Variants in TENM3 observed in about 807,000 individuals in gnomAD.
TENM3 encodes teneurin-3.
Under a neutral mutation model 255.1 loss-of-function variants are expected in TENM3, and 63 were observed. The observed-to-expected ratio is 0.25, with a 90% CI of 0.20 to 0.30. TENM3 has a LOEUF of 0.30. Among genes scored for constraint, TENM3 ranks in the 10% least tolerant of loss-of-function variants. The probability of loss-of-function intolerance (pLI) is 1.00; values close to 1 mark genes in which losing one functional copy is unlikely to be tolerated. For synonymous variants in TENM3, 1,306 were observed against 1,322.3 expected, an observed-to-expected ratio of 0.99 and a Z score of 0.27; for missense variants, 2,929 against 3,461.1, an observed-to-expected ratio of 0.85 and a Z score of 3.86.
intron 3 of TENM3, among the ~76,000 whole-genome samples, chr4:182,548,388 A>G (rs1002998743): frequency 1.3e-5 from 2 of 152,176 alleles, no homozygotes; most frequent in Non-Finnish European, 1.5e-5. Flanking sequence ...GGTTTTAGGA[A>G]CTTGAAGAAC....
chr4:182,507,908 A>G (rs1184805253), intron 3 of TENM3, among the ~76,000 whole-genome samples: 3 of 152,182 alleles, frequency 2.0e-5, no homozygotes, highest in Non-Finnish European at 4.4e-5. Context: ...AGTGATGAAT[A>G]TATTAGTATC....
chr4:182,202,952 A>C (rs2149838117), intron 1 of TENM3, among the ~76,000 whole-genome samples: 1 of 152,148 alleles, frequency 6.6e-6, no homozygotes, highest in East Asian at 2.0e-4. Flanking sequence ...GCGGTGGCTC[A>C]AGCCTGTAAT....
the TENM3 span, among the ~76,000 whole-genome samples, chr4:181,667,128 C>T: frequency 2.4e-4 from 36 of 152,222 alleles, no homozygotes; most frequent in Middle Eastern, 6.8e-3. Context: ...TTGCTTCTTC[C>T]TAGATCCCAT....
At chr4:181,678,829 G>C in the TENM3 span, among the ~76,000 whole-genome samples, 1 of 93,390 alleles carries the variant, frequency 1.1e-5, no homozygotes, top group Non-Finnish European at 2.2e-5. Flanking sequence ...AGCTTCCCAA[G>C]AATGTTTTAA....
At chr4:182,098,642 G>A in the TENM3 span, among the ~76,000 whole-genome samples, 2 of 152,142 alleles carry the variant, frequency 1.3e-5, no homozygotes, top group Non-Finnish European at 2.9e-5. Context: ...TGAAGTAGAG[G>A]GTAGAATTGT....
At chr4:182,158,880 A>C (rs933540247) in intron 1 of TENM3, among the ~76,000 whole-genome samples, 30 of 152,242 alleles carry the variant, frequency 2.0e-4, no homozygotes, top group African/African-American at 7.2e-4. Flanking sequence ...TCTAATGTTA[A>C]ATGTGATACA....
the TENM3 span, among the ~76,000 whole-genome samples, chr4:182,034,729 G>T: frequency 2.6e-5 from 4 of 152,184 alleles, no homozygotes; most frequent in African/African-American, 9.6e-5. Flanking sequence ...CTTCCAGCTT[G>T]TAGGGTTTCT....
chr4:181,984,231 C>T, the TENM3 span, among the ~76,000 whole-genome samples: 10 of 152,184 alleles, frequency 6.6e-5, no homozygotes, highest in Admixed American at 3.3e-4. Context: ...CTCCCTTTGA[C>T]TCATCCCATT....
intron 22 of TENM3, among the ~76,000 whole-genome samples, chr4:182,772,835 G>T (rs1221206563): frequency 1.3e-5 from 2 of 151,976 alleles, no homozygotes; most frequent in African/African-American, 2.4e-5. Context: ...AAATCACCAT[G>T]CAAGATATTC....
At chr4:182,679,157 A>G (rs1043486984) in intron 7 of TENM3, among the ~76,000 whole-genome samples, 5 of 152,150 alleles carry the variant, frequency 3.3e-5, no homozygotes, top group South Asian at 2.1e-4. Flanking sequence ...GTGTATACCT[A>G]TGTAACAAAC....
At chr4:181,562,622 C>A in the TENM3 span, among the ~76,000 whole-genome samples, 1 of 151,576 alleles carries the variant, frequency 6.6e-6, no homozygotes, top group Non-Finnish European at 1.5e-5. Context: ...AAAATAGCCA[C>A]TTTCCAGCCT....
At chr4:181,459,124 G>A in the TENM3 span, among the ~76,000 whole-genome samples, 8 of 151,760 alleles carry the variant, frequency 5.3e-5, no homozygotes, top group Non-Finnish European at 7.4e-5. Flanking sequence ...TCTGATTATG[G>A]TTTGAATTGG....
chr4:182,314,137 A>G (rs908363580), intron 1 of TENM3, among the ~76,000 whole-genome samples: 9 of 152,142 alleles, frequency 5.9e-5, no homozygotes, highest in African/African-American at 2.2e-4. Context: ...TGTCTCTACT[A>G]AAAATACAAA....
chr4:181,800,828 G>T, the TENM3 span, among the ~76,000 whole-genome samples: 1 of 152,046 alleles, frequency 6.6e-6, no homozygotes, highest in Non-Finnish European at 1.5e-5. Context: ...GCTAGAACAG[G>T]TACTTACTAA....
At chr4:182,710,273 T>C (rs1466982346) in intron 12 of TENM3, among the ~76,000 whole-genome samples, 1 of 152,316 alleles carries the variant, frequency 6.6e-6, no homozygotes, top group East Asian at 1.9e-4. Flanking sequence ...AATCATCAAT[T>C]AAGCTGTTAC....
the TENM3 span, among the ~76,000 whole-genome samples, chr4:181,716,144 C>T: frequency 4.6e-5 from 7 of 152,074 alleles, no homozygotes; most frequent in African/African-American, 1.4e-4. Flanking sequence ...AGCAATATTC[C>T]GAAGTGGTTA....
At chr4:182,071,816 T>G in the TENM3 span, among the ~76,000 whole-genome samples, 107,582 of 151,424 alleles carry the variant, frequency 0.71, 38,898 homozygotes, top group East Asian at 0.87. Flanking sequence ...ACACCAGGGA[T>G]GGTTCTTAAT....
At chr4:182,336,937 A>C (rs1764182857) in intron 2 of TENM3, among the ~76,000 whole-genome samples, 1 of 147,424 alleles carries the variant, frequency 6.8e-6, no homozygotes, top group African/African-American at 2.5e-5. Context: ...AGAGCCTCTG[A>C]GTCCACTGTA....
At chr4:181,854,444 G>C in the TENM3 span, among the ~76,000 whole-genome samples, 3 of 152,144 alleles carry the variant, frequency 2.0e-5, no homozygotes, top group Non-Finnish European at 4.4e-5. Context: ...ACCAGCAAAT[G>C]TGCCAAACTA....
Sources: allele counts gnomAD v4.1 joint callset (sites outside exome capture counted in the v4.1 genomes callset), GRCh38; gene constraint gnomAD v4.1.1; transcripts MANE v1.5; gene names NCBI Gene and HGNC (gene_info 2026-07-23, HGNC 2026-07-21).